The following API5 variants were observed in gnomAD, a reference collection of about 807,000 sequenced individuals.
API5 encodes FIF.
API5 carries 6 observed loss-of-function variants against 71.9 expected under a neutral mutation model. The observed-to-expected ratio is 0.08, with a 90% CI of 0.05 to 0.16. The LOEUF (loss-of-function observed/expected upper bound fraction) is 0.16. API5 is among the 10% of genes least tolerant of loss of function. The pLI is 1.00. For missense variants in API5, 332 were observed against 612.8 expected (o/e 0.54, Z 4.84); for synonymous variants, 189 against 221.3 (o/e 0.85, Z 1.30).
At chr11:43,336,051 T>C (rs1392960055) in intron 13 of API5, 57 bp downstream of exon 13, 6 of 1,582,970 alleles carry the variant, frequency 3.8e-6, no homozygotes, top group Non-Finnish European at 4.3e-6. Context: ...AATTGTGTTA[T>C]ACTTTATTTT....
intron 2 of API5, among the ~76,000 whole-genome samples, chr11:43,319,752 T>C (rs1252202729): frequency 2.6e-5 from 4 of 152,188 alleles, no homozygotes; most frequent in Non-Finnish European, 5.9e-5. Context: ...TAAGCCAAGA[T>C]CAGTATTTGG....
In API5 at chr11:43,312,269, C is replaced by G. The variant is rs1323957152; in HGVS notation, c.69+73C>G. The G allele has an allele frequency of 3.3e-6, 5 of 1,514,196 alleles. No individual in the cohort carries two copies. The Admixed American group carries it at 9.1e-5, about 28-fold the overall frequency. The allele number at this position is 1,514,196 out of a possible 1,614,324, so 93.8% of individuals were successfully genotyped here. Reference sequence around the variant, plus strand: ...TTTCGAAAGCGCTTCCCGCCGCACTCCCCGGGCCGAGCGGGGGCTGCGGCT... The same window carrying G: ...TTTCGAAAGCGCTTCCCGCCGCACTGCCCGGGCCGAGCGGGGGCTGCGGCT... On this transcript the variant is annotated intron_variant, in intron 1 of 13. Transcript: ENST00000531273.
intron 3 of API5, 72 bp downstream of exon 3, chr11:43,320,986 G>T: frequency 1.5e-6 from 2 of 1,310,378 alleles, no homozygotes; most frequent in Non-Finnish European, 2.2e-6. Flanking sequence ...CTGTTTTTAG[G>T]TTTTAAATGG....
In API5 at chr11:43,339,813, G is replaced by A. The variant is rs181370427; in HGVS notation, c.1493-2615G>A. Reference sequence around the variant, plus strand: ...TTTATTGCATTCAAAGGGACATTTTGTAGTCTAACCTGATTTTCGAAATTG... The same window carrying A: ...TTTATTGCATTCAAAGGGACATTTTATAGTCTAACCTGATTTTCGAAATTG... On this transcript the variant is annotated intron_variant, in intron 13 of 13. Transcript: ENST00000531273. Among the ~76,000 whole-genome samples, 699 of 152,258 alleles carry A rather than the reference G, an allele frequency of 4.6e-3. 1 individual carries two copies. The highest frequency in any genetic ancestry group is 0.016 in the African/African-American group (674 of 41,554).
chr11:43,318,546 T>C, intron 1 of API5, 94 bp from the exon 2 acceptor site: 1 of 1,579,388 alleles, frequency 6.3e-7, no homozygotes, highest in Admixed American at 1.8e-5. Context: ...TGTGTAAAAA[T>C]TTAAAGCACA....
chr11:43,330,747 A>T (rs5743248), intron 11 of API5, among the ~76,000 whole-genome samples, 183 bp downstream of exon 11: 1 of 152,220 alleles, frequency 6.6e-6, no homozygotes, highest in Non-Finnish European at 1.5e-5. Flanking sequence ...AGTGGTCTTA[A>T]TTAGCTGTTG....
chr11:43,312,253 C>G, intron 1 of API5, 57 bp downstream of exon 1: 15 of 1,554,038 alleles, frequency 9.7e-6, no homozygotes, highest in Non-Finnish European at 1.3e-5. Context: ...CTTTCGAAAG[C>G]GCTTCCCGCC....
chr11:43,338,837 C>G (rs951751576), intron 13 of API5, among the ~76,000 whole-genome samples: 1 of 151,916 alleles, frequency 6.6e-6, no homozygotes, highest in South Asian at 2.1e-4. Context: ...GTATCTATGA[C>G]AGTGTTAAGT....
At chr11:43,321,838 T>C in intron 4 of API5, 147 bp from the exon 5 acceptor site, 1 of 771,556 alleles carries the variant, frequency 1.3e-6, no homozygotes, top group South Asian at 2.4e-5. Context: ...GCTGTAGAAA[T>C]TTCAGACTAC....
intron 13 of API5, among the ~76,000 whole-genome samples, chr11:43,341,541 C>A (rs530353345): frequency 6.6e-6 from 1 of 152,112 alleles, no homozygotes; most frequent in South Asian, 2.1e-4. Context: ...AAAAGTTAAT[C>A]TTATAGAAGT....
At chr11:43,324,516 G>T (rs191540600) in intron 6 of API5, among the ~76,000 whole-genome samples, 3 of 152,168 alleles carry the variant, frequency 2.0e-5, no homozygotes, top group Admixed American at 6.5e-5. Context: ...AGCACTTTGT[G>T]AGCCAAGGTG....
In API5 at chr11:43,327,839, A is replaced by C; in HGVS notation, c.906A>C (p.Lys302Asn). Reference sequence around the variant, plus strand: ...GTTCATTTTGTGGTGACATGGAAAAACTAGAAACAAATTTAAGGAAACTAT... The same window carrying C: ...GTTCATTTTGTGGTGACATGGAAAACCTAGAAACAAATTTAAGGAAACTAT... ...EMSSFCGDME[K>N]LETNLRKLFD... The change falls in exon 8 of 14, where the codon AAA (lysine) becomes AAC (asparagine). Residue 302 changes from lysine (K) to asparagine (N), a missense_variant. This residue lies in a region of API5 where 168 missense variants were observed against 343.9 expected (regional missense o/e 0.49). Transcript: ENST00000531273. The C allele has an allele frequency of 6.2e-7, 1 of 1,612,750 alleles. No homozygotes were observed. The highest frequency in any genetic ancestry group is 8.5e-7 in the Non-Finnish European group (1 of 1,179,436).
intron 11 of API5, among the ~76,000 whole-genome samples, chr11:43,332,758 A>C (rs528581431): frequency 6.6e-6 from 1 of 152,202 alleles, no homozygotes; most frequent in South Asian, 2.1e-4. Flanking sequence ...TGATTGATTA[A>C]ATCATTGGCC....
rs752840707 is a variant in API5, at chr11:43,312,199, G to T, written c.69+3G>T. Reference sequence around the variant, plus strand: ...ATGCCACGGAGCAAGTGGGCCAGGTGAGTTGAGTCCCCGGGCGGCCTGCAG... The same window carrying T: ...ATGCCACGGAGCAAGTGGGCCAGGTTAGTTGAGTCCCCGGGCGGCCTGCAG... On this transcript the variant is annotated splice_donor_region_variant and intron_variant, in intron 1 of 13. Coordinates refer to ENST00000531273, the MANE Select transcript of API5 (RefSeq NM_001142930.2). The T allele has an allele frequency of 2.5e-6, 4 of 1,613,572 alleles. No individual in the cohort carries two copies. Among genetic ancestry groups the T allele is most frequent in the South Asian group, 1.1e-5 (1 of 91,054 alleles).
At chr11:43,329,145 C>A (rs917020978) in intron 9 of API5, 4 of 414,898 alleles carry the variant, frequency 9.6e-6, no homozygotes, top group Non-Finnish European at 1.8e-5. Context: ...AGTTTGAGAC[C>A]AGCTGGGCAA....
chr11:43,336,186 G>A (rs1028273691), intron 13 of API5, 192 bp downstream of exon 13: 1 of 655,276 alleles, frequency 1.5e-6, no homozygotes, highest in Non-Finnish European at 2.4e-6. Flanking sequence ...TGGGCTGACT[G>A]TATTGAACAT....
intron 13 of API5, among the ~76,000 whole-genome samples, chr11:43,338,631 GC>G (rs1855511121): frequency 7.9e-6 from 1 of 125,790 alleles, no homozygotes; most frequent in South Asian, 2.7e-4. Context: ...TATAGAAATG[GC>G]TGTATCAATT....
rs541022654 is a variant in API5, at chr11:43,323,662, G to A, written c.750+26G>A. The A allele has an allele frequency of 4.7e-5, 74 of 1,590,532 alleles. 1 individual carries two copies. Among genetic ancestry groups the A allele is most frequent in the Admixed American group, 2.2e-4 (13 of 59,726 alleles). On this transcript the variant is annotated intron_variant, in intron 6 of 13. Coordinates refer to ENST00000531273, the MANE Select transcript of API5 (RefSeq NM_001142930.2). ...GTGAGCTCTTTATTTTTACACACCC[G>A]GTATTAGCTATATATATATTTCCAT...
At chr11:43,320,629 G>A (rs117118140) in intron 2 of API5, among the ~76,000 whole-genome samples, 192 bp from the exon 3 acceptor site, 4,335 of 151,812 alleles carry the variant, frequency 0.029, 146 homozygotes, top group East Asian at 0.19. Flanking sequence ...TACTAGGGAG[G>A]CTAAGGCAAG....
Sources: gnomAD v4.1 joint callset for allele counts (sites outside exome capture counted in the v4.1 genomes callset) on GRCh38, gnomAD v4.1.1 for gene constraint, gnomAD v4.1.1 regional missense constraint, MANE v1.5 for transcripts, NCBI Gene and HGNC (gene_info 2026-07-23, HGNC 2026-07-21) for gene names.